Variants in TPRG1 observed in about 807,000 individuals in gnomAD.
The protein encoded by TPRG1 is tumor protein p63 regulated 1, also known as tumor protein p63-regulated gene 1 protein.
A neutral mutation model predicts 29.3 loss-of-function variants in TPRG1; 29 were observed. The observed-to-expected ratio is 0.99, with a 90% CI of 0.74 to 1.35. The LOEUF is 1.35. TPRG1 is among the 40% of genes most tolerant of loss of function. The pLI, the probability that TPRG1 is intolerant of heterozygous loss-of-function variation, is 0.00. For synonymous variants in TPRG1, 130 were observed against 116.8 expected, an observed-to-expected ratio of 1.11 and a Z score of -0.73; for missense variants, 327 against 335.0, an observed-to-expected ratio of 0.98 and a Z score of 0.19.
chr3:189,154,477 T>C (rs1726387726), intron 5 of TPRG1, among the ~76,000 whole-genome samples: 1 of 151,514 alleles, frequency 6.6e-6, no homozygotes, highest in Non-Finnish European at 1.5e-5. Flanking sequence ...AGTCTTGCAC[T>C]GTCACCCAGG....
chr3:189,258,728 TCTGGCTACAGCAGTTTTGCGGCG>T, intron 4 of TPRG1, among the ~76,000 whole-genome samples: 1 of 152,294 alleles, frequency 6.6e-6, no homozygotes, highest in Middle Eastern at 3.4e-3. Context: ...AGAGAGGCAG[TCTGGCTACAGCAGTTTTGCGGCG>T]CTGCAGTGGG....
intron 4 of TPRG1, among the ~76,000 whole-genome samples, chr3:189,040,903 G>T (rs1045420331): frequency 3.3e-5 from 5 of 152,136 alleles, no homozygotes; most frequent in African/African-American, 1.2e-4. Context: ...CCTGGGCTTT[G>T]GCAGCTATTC....
intron 4 of TPRG1, among the ~76,000 whole-genome samples, chr3:189,150,476 G>A (rs541428652): frequency 1.1e-4 from 16 of 151,886 alleles, no homozygotes; most frequent in Admixed American, 3.9e-4. Flanking sequence ...CCACCGCGCC[G>A]AGATCTTTGT....
chr3:189,287,571 G>A (rs965870634), intron 4 of TPRG1, among the ~76,000 whole-genome samples: 2 of 151,848 alleles, frequency 1.3e-5, no homozygotes, highest in Non-Finnish European at 2.9e-5. Flanking sequence ...CTAATTTTTT[G>A]TATTTTTAGT....
rs150933059 is a variant in TPRG1, at chr3:189,246,257, A to G, written c.479+7348A>G. On this transcript the variant is annotated intron_variant, in intron 4 of 5. Transcript: ENST00000345063. Reference sequence around the variant, plus strand: ...CTTTGCTCCTCCTTCACCTTCCGCTATGATTATAAGGCCTCCCCAGCCACT... The same window carrying G: ...CTTTGCTCCTCCTTCACCTTCCGCTGTGATTATAAGGCCTCCCCAGCCACT... 3.9e-5 allele frequency among the ~76,000 whole-genome samples: 6 copies of G among 152,280 alleles called. No individual in the cohort carries two copies. The East Asian group carries it at 1.2e-3, about 29-fold the overall frequency.
chr3:189,224,443 G>C (rs182680455), intron 3 of TPRG1, among the ~76,000 whole-genome samples: 18 of 152,214 alleles, frequency 1.2e-4, no homozygotes, highest in African/African-American at 4.1e-4. Context: ...TCGTGCCACT[G>C]CACTCCAGCC....
chr3:189,046,267 T>C (rs926146722), intron 4 of TPRG1, among the ~76,000 whole-genome samples: 1 of 152,152 alleles, frequency 6.6e-6, no homozygotes, highest in African/African-American at 2.4e-5. Flanking sequence ...TCTCTGTTGG[T>C]GGACAGAGAT....
intron 3 of TPRG1, among the ~76,000 whole-genome samples, chr3:189,021,713 G>T (rs1416481206): frequency 6.6e-6 from 1 of 152,014 alleles, no homozygotes; most frequent in Non-Finnish European, 1.5e-5. Flanking sequence ...ATGTGTCTTG[G>T]AGTTGCTCTT....
intron 4 of TPRG1, among the ~76,000 whole-genome samples, chr3:189,276,713 G>C (rs767471830): frequency 1.0e-3 from 155 of 152,016 alleles, no homozygotes; most frequent in Non-Finnish European, 7.2e-4. Context: ...TCTCTTCCTT[G>C]GCTTGGCTCA....
chr3:189,192,313 T>C (rs928073620), intron 1 of TPRG1, among the ~76,000 whole-genome samples: 4 of 152,210 alleles, frequency 2.6e-5, no homozygotes, highest in Non-Finnish European at 5.9e-5. Flanking sequence ...GGAAGCTCCA[T>C]GTAGTAAAGA....
intron 4 of TPRG1, among the ~76,000 whole-genome samples, chr3:189,289,097 A>T (rs1718562946): frequency 6.6e-6 from 1 of 152,182 alleles, no homozygotes; most frequent in Admixed American, 6.5e-5. Context: ...GTGATGGGAA[A>T]CACACTGCAC....
At chr3:189,286,465 T>C (rs1718074668) in intron 4 of TPRG1, among the ~76,000 whole-genome samples, 1 of 152,090 alleles carries the variant, frequency 6.6e-6, no homozygotes, top group South Asian at 2.1e-4. Flanking sequence ...GCTCAACAAA[T>C]AGTTGTTGAA....
chr3:189,112,154 C>A (rs1463135097), intron 1 of TPRG1, among the ~76,000 whole-genome samples: 2 of 152,096 alleles, frequency 1.3e-5, no homozygotes, highest in African/African-American at 4.8e-5. Flanking sequence ...CCAACTCCAC[C>A]TGGTCATGAT....
chr3:189,262,186 T>C (rs1160707025), intron 4 of TPRG1, among the ~76,000 whole-genome samples: 2 of 135,260 alleles, frequency 1.5e-5, no homozygotes, highest in Admixed American at 7.1e-5. Context: ...AAAGAGAGCA[T>C]GGGTCTGAGA....
intron 3 of TPRG1, among the ~76,000 whole-genome samples, chr3:189,233,943 T>C (rs533523284): frequency 2.3e-4 from 35 of 152,276 alleles, no homozygotes; most frequent in African/African-American, 8.4e-4. Context: ...CTACAATAGC[T>C]CACTGCAACC....
chr3:189,070,207 T>C (rs532294158), intron 4 of TPRG1, among the ~76,000 whole-genome samples: 1 of 152,252 alleles, frequency 6.6e-6, no homozygotes, highest in East Asian at 1.9e-4. Context: ...GCTTATGAAA[T>C]GACAAAATGT....
intron 5 of TPRG1, among the ~76,000 whole-genome samples, chr3:189,312,121 C>CTTTGTTTCTTTCTTTG (rs1286424250): frequency 5.7e-5 from 2 of 35,126 alleles, no homozygotes; most frequent in Admixed American, 2.3e-4. Flanking sequence ...TTCTTTGTTT[C>CTTTGTTTCTTTCTTTG]TTTCTTTCTT....
At chr3:189,096,199 T>A (rs1368833553), upstream of TPRG1, among the ~76,000 whole-genome samples, 1 of 152,222 alleles carries the variant, frequency 6.6e-6, no homozygotes, top group Non-Finnish European at 1.5e-5. Context: ...CCACTCAGTA[T>A]ACCTTCCTTC....
intron 4 of TPRG1, chr3:189,024,085 G>C (rs936056068): frequency 7.2e-5 from 11 of 152,406 alleles, no homozygotes; most frequent in Admixed American, 7.2e-4. Context: ...AGGCACACAG[G>C]CTAGACCAGC....
Sources: allele counts gnomAD v4.1 joint callset (sites outside exome capture counted in the v4.1 genomes callset), GRCh38; gene constraint gnomAD v4.1.1; transcripts MANE v1.5; gene names NCBI Gene and HGNC (gene_info 2026-07-23, HGNC 2026-07-21).